The following LMF1 variants were observed in gnomAD, a reference collection of about 807,000 sequenced individuals.
LMF1 encodes the protein transmembrane protein 112.
LMF1 carries 68 observed loss-of-function variants against 60.6 expected under a neutral mutation model. That is an observed-to-expected ratio of 1.12 (90% confidence interval 0.92 to 1.37). LMF1 has a LOEUF of 1.37. Ranked by LOEUF, LMF1 falls within the 40% of genes most tolerant of loss-of-function variation. The probability of loss-of-function intolerance (pLI) is 0.00; values close to 1 mark genes in which losing one functional copy is unlikely to be tolerated. For missense variants in LMF1, 948 were observed against 767.2 expected, an observed-to-expected ratio of 1.24 and a Z score of -2.78; for synonymous variants, 418 against 324.7, an observed-to-expected ratio of 1.29 and a Z score of -3.09.
At chr16:966,348 G>A (rs535073783) in intron 1 of LMF1, among the ~76,000 whole-genome samples, 19 of 152,312 alleles carry the variant, frequency 1.2e-4, no homozygotes, top group Middle Eastern at 3.4e-3. Flanking sequence ...CCGAGCAGCC[G>A]GCCCTGGCCG....
chr16:879,851 C>T (rs2070113121), intron 5 of LMF1, 114 bp from the exon 6 acceptor site: 8 of 1,042,976 alleles, frequency 7.7e-6, no homozygotes, highest in Non-Finnish European at 1.1e-5. Context: ...CACAGGATCC[C>T]CCCGGCCCGC....
rs1567311744 is a variant in LMF1 at position 953,935 on chromosome 16, ACG to A, written c.503+420_503+421del. Reference sequence around the variant, plus strand: ...CACCCACCCCAAACCAGCTTCCTACACGTCCACACAGACACCCACCCCAAACC... The same window carrying A: ...CACCCACCCCAAACCAGCTTCCTACATCCACACAGACACCCACCCCAAACC... On this transcript the variant is annotated intron_variant, in intron 2 of 10. Coordinates refer to ENST00000262301, the MANE Select transcript of LMF1 (RefSeq NM_022773.4). Among the ~76,000 whole-genome samples, 11 of 94,128 alleles carry A rather than the reference ACG, an allele frequency of 1.2e-4. 3 individuals carry two copies. The highest frequency in any genetic ancestry group is 3.1e-4 in the African/African-American group (8 of 25,804). 61.8% of individuals were successfully genotyped at this position (94,128 alleles called of 152,430 possible).
chr16:940,845 C>CT (rs890428703), intron 2 of LMF1, among the ~76,000 whole-genome samples: 1 of 152,158 alleles, frequency 6.6e-6, no homozygotes, highest in Admixed American at 6.5e-5. Flanking sequence ...TCTATGTCTT[C>CT]TTTTTTTTGT....
chr16:912,540 G>C (rs1252654905), intron 3 of LMF1, among the ~76,000 whole-genome samples: 1 of 152,214 alleles, frequency 6.6e-6, no homozygotes, highest in Non-Finnish European at 1.5e-5. Flanking sequence ...GGCGTGAGTG[G>C]AGGCAGCGCG....
At chr16:875,097 T>A (rs1035278200) in intron 6 of LMF1, among the ~76,000 whole-genome samples, 1 of 151,904 alleles carries the variant, frequency 6.6e-6, no homozygotes, top group Non-Finnish European at 1.5e-5. Flanking sequence ...GGACACAGTG[T>A]GGGGCTGGAG....
rs544809880 is a variant in LMF1 at position 883,580 on chromosome 16, T to C, written c.730-3843A>G. On this transcript the variant is annotated intron_variant, in intron 5 of 10. Coordinates refer to ENST00000262301, the MANE Select transcript of LMF1 (RefSeq NM_022773.4). ...TCTTTGGGTAACAGATACTTAGTAC[T>C]GACTCACACACCCTCCACCCCAGAC... 3.9e-5 allele frequency among the ~76,000 whole-genome samples: 6 copies of C among 152,358 alleles called. 1 individual carries two copies. The East Asian group carries it at 1.2e-3, about 29-fold the overall frequency.
intron 3 of LMF1, among the ~76,000 whole-genome samples, chr16:919,225 C>T (rs1398352040): frequency 1.3e-5 from 2 of 152,096 alleles, no homozygotes; most frequent in East Asian, 1.9e-4. Context: ...CCAACAGGCA[C>T]GATCCACCCC....
In LMF1 at chr16:878,686, G is replaced by A. The variant is rs543558725; in HGVS notation, c.897+884C>T. ...TGGCGTGGCACCCGTGCCTGCTGAC[G>A]GAGCTTTGCCCCTCTAGGCGGCGGT... is the stretch of plus-strand genomic sequence containing the variant. On this transcript the variant is annotated intron_variant, in intron 6 of 10. Transcript: ENST00000262301. The surrounding 1 kb of genome is among the most constrained non-coding windows in gnomAD (Gnocchi z 5.2). Among the ~76,000 whole-genome samples, 25 of 144,364 alleles carry A rather than the reference G, an allele frequency of 1.7e-4. No individual in the cohort carries two copies. Among genetic ancestry groups the A allele is most frequent in the African/African-American group, 5.3e-4 (20 of 38,004 alleles). 94.7% of individuals were successfully genotyped at this position (144,364 alleles called of 152,430 possible).
chr16:958,773 G>C (rs2072760082), intron 1 of LMF1, among the ~76,000 whole-genome samples: 1 of 152,132 alleles, frequency 6.6e-6, no homozygotes, highest in African/African-American at 2.4e-5. Flanking sequence ...TGGAATCCCA[G>C]CTACTCGCAA....
chr16:975,038 G>C (rs2073109411), upstream of LMF1, among the ~76,000 whole-genome samples: 1 of 152,196 alleles, frequency 6.6e-6, no homozygotes, highest in Admixed American at 6.5e-5. Flanking sequence ...CCCACGTGAG[G>C]CTGGCAGGTG....
chr16:877,739 C>T (rs779261323), intron 6 of LMF1, among the ~76,000 whole-genome samples: 23 of 152,078 alleles, frequency 1.5e-4, no homozygotes, highest in Non-Finnish European at 1.6e-4. Context: ...TCGAGCCCGC[C>T]CAGCAGGGGA....
At chr16:879,496 G>A (rs1311871127) in intron 6 of LMF1, 74 bp downstream of exon 6, 5 of 1,537,236 alleles carry the variant, frequency 3.3e-6, no homozygotes, top group African/African-American at 1.4e-5. Flanking sequence ...CTCCCAGAGA[G>A]CGGGGCAGCC....
chr16:863,870 G>A (rs778063514), intron 10 of LMF1, among the ~76,000 whole-genome samples: 7 of 152,136 alleles, frequency 4.6e-5, no homozygotes, highest in African/African-American at 1.7e-4. Flanking sequence ...TATGCATTTG[G>A]TGCTTTCTCT....
chr16:902,971 C>T (rs2070862120), intron 4 of LMF1, among the ~76,000 whole-genome samples: 2 of 73,328 alleles, frequency 2.7e-5, no homozygotes, highest in South Asian at 6.9e-4. Flanking sequence ...CGTGGGGACG[C>T]CTGTCTCTGC....
rs370070380 is a variant in LMF1 at position 943,168 on chromosome 16, G to A, written c.504-8914C>T. Among the ~76,000 whole-genome samples, 144 of 150,080 alleles carry A rather than the reference G, an allele frequency of 9.6e-4. 3 individuals are homozygous for A. The South Asian group carries it at 0.028, about 30-fold the overall frequency. ...GGGTGGATCACAAGGTCAGGAGATC[G>A]AGACCATCCTGGCTAACACGGTGAA... is the stretch of plus-strand genomic sequence containing the variant. On this transcript the variant is annotated intron_variant, in intron 2 of 10. Transcript: ENST00000262301.
intron 4 of LMF1, chr16:902,404 C>T (rs1285997929): frequency 1.3e-5 from 2 of 153,016 alleles, no homozygotes; most frequent in South Asian, 2.0e-4. Flanking sequence ...CAGCGTCCCC[C>T]GCCTTGCTGG....
Position 911,504 on chromosome 16 carries a change from ATGGGGAGGCAGCAC to A in LMF1, c.515-439_515-426del, listed in dbSNP as rs1198760340. ...ACCTTCTTCCCAGCCCAGAAACAGCATGGGGAGGCAGCACTGGGGAGGCAGCACTGGGGGGGCAG... is the reference window on the plus strand; with the variant it reads ...ACCTTCTTCCCAGCCCAGAAACAGCATGGGGAGGCAGCACTGGGGGGGCAG... On this transcript the variant is annotated intron_variant, in intron 3 of 10. Transcript: ENST00000262301. Among the ~76,000 whole-genome samples the A allele has an allele frequency of 5.4e-4, 78 of 145,044 alleles. 1 individual carries two copies. The highest frequency in any genetic ancestry group is 1.7e-3 in the African/African-American group (65 of 38,762).
At chr16:892,950 G>T in intron 5 of LMF1, 57 bp downstream of exon 5, 1 of 1,356,678 alleles carries the variant, frequency 7.4e-7, no homozygotes, top group Non-Finnish European at 1.0e-6. Context: ...CGCCAAGAGT[G>T]GGAACGGGGC....
chr16:856,655 AG>A (rs2069192243), intron 10 of LMF1, among the ~76,000 whole-genome samples: 1 of 152,082 alleles, frequency 6.6e-6, no homozygotes, highest in Admixed American at 6.5e-5. Flanking sequence ...CAGTTTGGAA[AG>A]GGTTTTGGAA....
Sources: gnomAD v4.1 joint callset for allele counts (sites outside exome capture counted in the v4.1 genomes callset) on GRCh38, gnomAD v4.1.1 for gene constraint, Gnocchi (gnomAD v3.1) non-coding constraint, MANE v1.5 for transcripts, NCBI Gene and HGNC (gene_info 2026-07-23, HGNC 2026-07-21) for gene names.